RERE: variants seen among roughly 807,000 people sequenced by gnomAD.
The protein encoded by RERE is arginine-glutamic acid dipeptide repeats protein.
RERE carries 40 observed loss-of-function variants against 146.1 expected under a neutral mutation model. That is an observed-to-expected ratio of 0.27 (90% confidence interval 0.21 to 0.36). The LOEUF (loss-of-function observed/expected upper bound fraction) is 0.36. RERE is among the 10% of genes least tolerant of loss of function. The pLI, the probability that RERE is intolerant of heterozygous loss-of-function variation, is 1.00. For missense variants in RERE, 1,933 were observed against 2,138.7 expected (o/e 0.90, Z 1.90); for synonymous variants, 1,003 against 866.0 (o/e 1.16, Z -2.78).
At chr1:8,740,860 T>C (rs1053704582) in intron 1 of RERE, among the ~76,000 whole-genome samples, 1 of 152,200 alleles carries the variant, frequency 6.6e-6, no homozygotes, top group Non-Finnish European at 1.5e-5. Context: ...TCTTCCAGAA[T>C]AGCTGGAGGC....
chr1:8,638,935 G>T (rs367586004), intron 2 of RERE, among the ~76,000 whole-genome samples: 1 of 151,756 alleles, frequency 6.6e-6, no homozygotes, highest in African/African-American at 2.4e-5. Flanking sequence ...CAACACGCCC[G>T]GCTAATTGTT....
intron 1 of RERE, among the ~76,000 whole-genome samples, chr1:8,657,674 CTG>C (rs1162511334): frequency 6.6e-6 from 1 of 152,180 alleles, no homozygotes; most frequent in African/African-American, 2.4e-5. Flanking sequence ...TGGTGAAACT[CTG>C]TCTCTACTAA....
chr1:8,661,878 G>A (rs1638465225), intron 1 of RERE, among the ~76,000 whole-genome samples: 1 of 152,186 alleles, frequency 6.6e-6, no homozygotes, highest in South Asian at 2.1e-4. Flanking sequence ...CCCAGGAAGT[G>A]AGTACAACTT....
In RERE at chr1:8,795,818, A is replaced by G. The variant is rs1641459366; in HGVS notation, c.-145+21342T>C. On this transcript the variant is annotated intron_variant, in intron 1 of 22. Coordinates refer to ENST00000400908, the MANE Select transcript of RERE (RefSeq NM_001042681.2). ...ACCAACATGGAGAAACTCCGTCTCTACCAAAAATACAAAATTAGCTGGGCG... is the reference window on the plus strand; with the variant it reads ...ACCAACATGGAGAAACTCCGTCTCTGCCAAAAATACAAAATTAGCTGGGCG... 2.0e-5 allele frequency among the ~76,000 whole-genome samples: 3 copies of G among 152,092 alleles called. No homozygotes were observed. The South Asian group carries it at 6.2e-4, about 32-fold the overall frequency.
At chr1:8,814,238 A>G (rs1641867961) in intron 1 of RERE, among the ~76,000 whole-genome samples, 1 of 152,254 alleles carries the variant, frequency 6.6e-6, no homozygotes, top group Non-Finnish European at 1.5e-5. Context: ...ACAGATGTTT[A>G]TCCTACACAC....
intron 11 of RERE, among the ~76,000 whole-genome samples, chr1:8,460,853 CA>C (rs1238991882): frequency 2.6e-5 from 4 of 152,218 alleles, no homozygotes; most frequent in Non-Finnish European, 5.9e-5. Flanking sequence ...CTCACTGGAG[CA>C]CCCAATCTTA....
intron 4 of RERE, among the ~76,000 whole-genome samples, chr1:8,585,961 T>C (rs545131356): frequency 3.5e-4 from 53 of 152,326 alleles, no homozygotes; most frequent in African/African-American, 1.2e-3. Flanking sequence ...ATACACTTCC[T>C]GATAAAAATA....
At chr1:8,576,725 T>C (rs1264042280) in intron 4 of RERE, among the ~76,000 whole-genome samples, 2 of 152,342 alleles carry the variant, frequency 1.3e-5, no homozygotes, top group East Asian at 1.9e-4. Context: ...GATAACACTC[T>C]GCTGGCCAGG....
chr1:8,594,525 CACAG>C (rs1221404957), intron 4 of RERE, among the ~76,000 whole-genome samples: 3 of 152,092 alleles, frequency 2.0e-5, no homozygotes, highest in Non-Finnish European at 4.4e-5. Context: ...GCGCAGAAAC[CACAG>C]ACAATTTTTA....
chr1:8,602,219 T>C (rs1018357392), intron 4 of RERE, among the ~76,000 whole-genome samples: 2 of 151,826 alleles, frequency 1.3e-5, no homozygotes, highest in African/African-American at 4.8e-5. Context: ...TGAAACCCCG[T>C]CTCTACTAAA....
At chr1:8,558,723 C>T (rs974259965) in intron 4 of RERE, among the ~76,000 whole-genome samples, 2 of 151,416 alleles carry the variant, frequency 1.3e-5, no homozygotes, top group Admixed American at 1.3e-4. Context: ...TTTAAAGAAT[C>T]AGAAAGATGA....
intron 2 of RERE, among the ~76,000 whole-genome samples, chr1:8,635,011 A>T (rs1647079985): frequency 6.6e-6 from 1 of 152,230 alleles, no homozygotes; most frequent in Non-Finnish European, 1.5e-5. Flanking sequence ...CTGGGATTAG[A>T]GGCGTGAGCC....
At chr1:8,355,352 G>C in intron 22 of RERE, 67 bp downstream of exon 22, 1 of 1,539,870 alleles carries the variant, frequency 6.5e-7, no homozygotes, top group Non-Finnish European at 8.9e-7. Context: ...CTGGCCCTGG[G>C]CACACGGGGA....
At chr1:8,451,877 G>A (rs1644395030) in intron 11 of RERE, among the ~76,000 whole-genome samples, 1 of 152,114 alleles carries the variant, frequency 6.6e-6, no homozygotes, top group African/African-American at 2.4e-5. Flanking sequence ...CTGCCAGACT[G>A]GTCTTCAAGG....
intron 10 of RERE, among the ~76,000 whole-genome samples, chr1:8,484,951 A>T (rs1644879769): frequency 6.6e-6 from 1 of 152,222 alleles, no homozygotes; most frequent in Non-Finnish European, 1.5e-5. Flanking sequence ...ACAAACAAAG[A>T]ACAACTGTCC....
intron 22 of RERE, 60 bp downstream of exon 22, chr1:8,355,359 G>T (rs1259082965): frequency 1.3e-6 from 2 of 1,565,860 alleles, no homozygotes; most frequent in African/African-American, 2.7e-5. Flanking sequence ...TGGGCACACG[G>T]GGAGGTTGGG....
intron 7 of RERE, chr1:8,526,053 TTCCG>T: frequency 8.3e-7 from 1 of 1,205,976 alleles, no homozygotes; most frequent in African/African-American, 1.6e-5. Flanking sequence ...ACCCTGCTGT[TTCCG>T]TAAATAAAGC....
intron 2 of RERE, among the ~76,000 whole-genome samples, chr1:8,638,296 A>T (rs1647127258): frequency 6.6e-6 from 1 of 152,186 alleles, no homozygotes. Flanking sequence ...ATGTGATGTG[A>T]TAGGAGAATA....
intron 10 of RERE, among the ~76,000 whole-genome samples, chr1:8,467,035 A>C (rs1373661123): frequency 6.6e-6 from 1 of 152,206 alleles, no homozygotes; most frequent in East Asian, 1.9e-4. Flanking sequence ...GCTTTGTCTA[A>C]GACTTGCATC....
Sources: allele counts gnomAD v4.1 joint callset (sites outside exome capture counted in the v4.1 genomes callset), GRCh38; gene constraint gnomAD v4.1.1; transcripts MANE v1.5; gene names NCBI Gene and HGNC (gene_info 2026-07-23, HGNC 2026-07-21).